CLASP1: variants seen among roughly 807,000 people sequenced by gnomAD.
The protein encoded by CLASP1 is cytoplasmic linker associated protein 1.
In CLASP1, 38 loss-of-function variants were observed where a neutral mutation model predicts 192.3. The ratio of observed to expected loss-of-function variants is 0.20; its 90% confidence interval spans 0.15 to 0.26. The LOEUF is 0.26. CLASP1 is among the 10% of genes least tolerant of loss of function. The probability of loss-of-function intolerance (pLI) is 1.00; values close to 1 mark genes in which losing one functional copy is unlikely to be tolerated. For synonymous variants in CLASP1, 691 were observed against 712.8 expected (o/e 0.97, Z 0.49); for missense variants, 1,433 against 1,932.5 (o/e 0.74, Z 4.85).
intron 2 of CLASP1, among the ~76,000 whole-genome samples, chr2:121,539,930 T>G (rs1339442306): frequency 6.6e-6 from 1 of 152,166 alleles, no homozygotes; most frequent in African/African-American, 2.4e-5. Context: ...TCACAATGGC[T>G]AAAACGGAAA....
chr2:121,555,756 CT>C (rs11320920), intron 2 of CLASP1, among the ~76,000 whole-genome samples: 37,848 of 151,940 alleles, frequency 0.25, 7,479 homozygotes, highest in African/African-American at 0.55. Context: ...TCTTGGCTCA[CT>C]TGCAACCTCT....
intron 10 of CLASP1, among the ~76,000 whole-genome samples, chr2:121,461,468 A>C (rs2087934981): frequency 6.6e-6 from 1 of 152,202 alleles, no homozygotes; most frequent in African/African-American, 2.4e-5. Context: ...AAGAGAAACA[A>C]GGCTAATGGG....
At position 121,461,202 on chromosome 2, in the gene CLASP1, A is replaced by G; in HGVS notation, c.940-9T>C. The G allele has an allele frequency of 6.7e-7, 1 of 1,484,516 alleles. No individual in the cohort carries two copies. Among genetic ancestry groups the G allele is most frequent in the Non-Finnish European group, 9.3e-7 (1 of 1,080,452 alleles). 92.0% of individuals were successfully genotyped at this position (1,484,516 alleles called of 1,614,324 possible). On this transcript the variant is annotated splice_polypyrimidine_tract_variant and intron_variant, in intron 10 of 39. Transcript: ENST00000263710. ...TCTCGGCTGGAATAAATCTGTAAGC[A>G]AAATTAATTTACAATCAATATAAAA... is the stretch of plus-strand genomic sequence containing the variant.
At chr2:121,531,156 CGGGAA>C in intron 2 of CLASP1, 1 of 611,762 alleles carries the variant, frequency 1.6e-6, no homozygotes, top group Non-Finnish European at 3.0e-6. Context: ...GGTGATTAAA[CGGGAA>C]GGATTTCAAC....
intron 5 of CLASP1, 55 bp from the exon 6 acceptor site, chr2:121,525,975 A>G: frequency 7.5e-7 from 1 of 1,336,802 alleles, no homozygotes; most frequent in Non-Finnish European, 1.1e-6. Flanking sequence ...AGAAAGAAAG[A>G]TGCCTGTCTG....
chr2:121,407,890 C>T, intron 24 of CLASP1, 175 bp from the exon 26 acceptor site: 1 of 837,446 alleles, frequency 1.2e-6, no homozygotes. Flanking sequence ...AGCAGTTTTC[C>T]ATTAGGTAAA....
chr2:121,577,708 G>T (rs1207980098), intron 2 of CLASP1, among the ~76,000 whole-genome samples: 1 of 152,132 alleles, frequency 6.6e-6, no homozygotes, highest in Non-Finnish European at 1.5e-5. Context: ...TGAAAATATG[G>T]TTCTAGTGGT....
chr2:121,635,204 G>A (rs749259027), intron 1 of CLASP1, among the ~76,000 whole-genome samples: 5 of 139,238 alleles, frequency 3.6e-5, no homozygotes, highest in Non-Finnish European at 6.0e-5. Context: ...GCGAGATTGC[G>A]TCTGTAAAAA....
At chr2:121,499,272 T>C (rs1370252242) in intron 8 of CLASP1, among the ~76,000 whole-genome samples, 1 of 152,178 alleles carries the variant, frequency 6.6e-6, no homozygotes, top group Non-Finnish European at 1.5e-5. Context: ...CATGCTACAT[T>C]ATGGATGAAC....
chr2:121,537,374 A>G (rs921550267), intron 2 of CLASP1, among the ~76,000 whole-genome samples: 31 of 152,054 alleles, frequency 2.0e-4, no homozygotes, highest in African/African-American at 7.2e-4. Context: ...CCTGGGTGAC[A>G]GATCAAGATC....
intron 19 of CLASP1, among the ~76,000 whole-genome samples, chr2:121,442,148 C>G (rs1361689055): frequency 1.3e-5 from 2 of 152,130 alleles, no homozygotes; most frequent in Admixed American, 1.3e-4. Flanking sequence ...CCTAAGCATA[C>G]TAGCTTTTTT....
chr2:121,421,202 C>T (rs2079442319), intron 22 of CLASP1, among the ~76,000 whole-genome samples: 1 of 151,492 alleles, frequency 6.6e-6, no homozygotes, highest in Admixed American at 6.6e-5. Context: ...CTCACTTATA[C>T]TACTACTTTG....
chr2:121,518,845 TC>T (rs1402172625), intron 6 of CLASP1, among the ~76,000 whole-genome samples: 2 of 151,928 alleles, frequency 1.3e-5, no homozygotes, highest in Admixed American at 6.6e-5. Flanking sequence ...ACCACTTCAC[TC>T]CAGCCTGGGT....
At chr2:121,558,584 A>C (rs1428127251) in intron 2 of CLASP1, among the ~76,000 whole-genome samples, 1 of 152,168 alleles carries the variant, frequency 6.6e-6, no homozygotes, top group Non-Finnish European at 1.5e-5. Context: ...ACAGCCCCTC[A>C]CCATGTAATA....
At chr2:121,578,991 C>T (rs1576180871) in intron 2 of CLASP1, among the ~76,000 whole-genome samples, 1 of 152,160 alleles carries the variant, frequency 6.6e-6, no homozygotes, top group Non-Finnish European at 1.5e-5. Context: ...ACCTAATATA[C>T]ATTTGTTTCA....
intron 2 of CLASP1, chr2:121,531,013 A>G (rs1405489923): frequency 8.0e-5 from 56 of 700,116 alleles, no homozygotes. Flanking sequence ...GAAAAATGAA[A>G]ACCTGTTTTC....
chr2:121,387,718 G>A lies in CLASP1; in HGVS notation c.3267+45C>T, dbSNP rs754358306. 2.5e-6 allele frequency: 4 copies of A among 1,600,502 alleles called. No individual in the cohort carries two copies. The African/African-American group carries it at 4.0e-5, about 16-fold the overall frequency. ...AGGTTCTAGATAAGGGCTACGCAGA[G>A]GTCATGGACATCACATAGGCACCAA... On this transcript the variant is annotated intron_variant, in intron 31 of 39. Coordinates refer to ENST00000263710, the Ensembl canonical transcript of CLASP1.
At chr2:121,613,881 G>C (rs928285570) in intron 1 of CLASP1, among the ~76,000 whole-genome samples, 1 of 152,190 alleles carries the variant, frequency 6.6e-6, no homozygotes, top group Non-Finnish European at 1.5e-5. Flanking sequence ...GCTGGGCTCA[G>C]CTGGGAAGAT....
intron 37 of CLASP1, among the ~76,000 whole-genome samples, chr2:121,356,038 G>C (rs1024773210): frequency 1.3e-5 from 2 of 152,116 alleles, no homozygotes; most frequent in African/African-American, 2.4e-5. Context: ...TTTGCTTAAA[G>C]GTTTCTTTTA....
Sources: gnomAD v4.1 joint callset for allele counts (sites outside exome capture counted in the v4.1 genomes callset) on GRCh38, gnomAD v4.1.1 for gene constraint, MANE v1.5 for transcripts, NCBI Gene and HGNC (gene_info 2026-07-23, HGNC 2026-07-21) for gene names.